Variants in RBMS3 observed in about 807,000 individuals in gnomAD.
RBMS3 encodes the protein RNA-binding motif, single-stranded-interacting protein 3.
A neutral mutation model predicts 66.8 loss-of-function variants in RBMS3; 27 were observed. That is an observed-to-expected ratio of 0.40 (90% CI 0.30 to 0.56). The LOEUF is 0.56. Among genes scored for constraint, RBMS3 ranks in the 20% least tolerant of loss-of-function variants. RBMS3 has a pLI of 0.40. For synonymous variants in RBMS3, 188 were observed against 183.0 expected, an observed-to-expected ratio of 1.03 and a Z score of -0.22; for missense variants, 513 against 549.5, an observed-to-expected ratio of 0.93 and a Z score of 0.66.
intron 1 of RBMS3, among the ~76,000 whole-genome samples, chr3:29,344,208 T>C (rs116831528): frequency 3.9e-4 from 60 of 152,284 alleles, no homozygotes; most frequent in African/African-American, 1.4e-3. Context: ...CTCATATTTG[T>C]AAGGAAAGCC....
At chr3:29,874,929 A>G (rs1474619874) in intron 7 of RBMS3, among the ~76,000 whole-genome samples, 4 of 152,192 alleles carry the variant, frequency 2.6e-5, no homozygotes, top group African/African-American at 9.6e-5. Context: ...GATGAGCTTC[A>G]GTCCTCTGCC....
intron 6 of RBMS3, among the ~76,000 whole-genome samples, chr3:29,827,185 AC>A (rs2149482743): frequency 6.6e-6 from 1 of 152,184 alleles, no homozygotes; most frequent in Admixed American, 6.5e-5. Context: ...TTGCTAAAGA[AC>A]CCTCCATACA....
chr3:29,317,115 G>C (rs976553584), intron 1 of RBMS3, among the ~76,000 whole-genome samples: 1 of 151,656 alleles, frequency 6.6e-6, no homozygotes, highest in Middle Eastern at 3.2e-3. Context: ...ATTTGAAAAA[G>C]CCTTAAGTCA....
At chr3:29,684,664 T>A (rs1483192420) in intron 4 of RBMS3, among the ~76,000 whole-genome samples, 1 of 152,180 alleles carries the variant, frequency 6.6e-6, no homozygotes, top group Non-Finnish European at 1.5e-5. Flanking sequence ...ACTTTTCACA[T>A]ATGATTGATC....
At chr3:29,519,358 G>A (rs144502228) in intron 3 of RBMS3, among the ~76,000 whole-genome samples, 2 of 152,320 alleles carry the variant, frequency 1.3e-5, no homozygotes, top group Non-Finnish European at 2.9e-5. Context: ...TCCGTTGGGT[G>A]ATGGAAGGGA....
chr3:29,613,120 AT>A (rs139413262), intron 4 of RBMS3, among the ~76,000 whole-genome samples: 2 of 152,018 alleles, frequency 1.3e-5, no homozygotes, highest in East Asian at 3.9e-4. Context: ...ATACTTAATA[AT>A]TTTTTTAATG....
chr3:29,345,472 C>T (rs2036521547), intron 1 of RBMS3, among the ~76,000 whole-genome samples: 1 of 152,126 alleles, frequency 6.6e-6, no homozygotes, highest in South Asian at 2.1e-4. Context: ...GTTTCTTCCT[C>T]TCAGCTATAC....
intron 3 of RBMS3, among the ~76,000 whole-genome samples, chr3:29,558,302 T>A (rs1011227913): frequency 6.6e-6 from 1 of 151,570 alleles, no homozygotes; most frequent in Non-Finnish European, 1.5e-5. Context: ...AAAGATGCAA[T>A]TGAAGAAAAC....
chr3:29,408,197 G>A (rs566612321), intron 1 of RBMS3, among the ~76,000 whole-genome samples: 12 of 150,274 alleles, frequency 8.0e-5, no homozygotes, highest in South Asian at 2.1e-4. Context: ...GTGTGAACCC[G>A]GGAGGCGGAG....
intron 7 of RBMS3, among the ~76,000 whole-genome samples, chr3:29,875,895 G>C (rs528652906): frequency 6.6e-6 from 1 of 151,986 alleles, no homozygotes; most frequent in African/African-American, 2.4e-5. Flanking sequence ...GAAAAATTCT[G>C]CCTGATAGCA....
At chr3:29,919,749 C>T (rs141572202) in intron 10 of RBMS3, among the ~76,000 whole-genome samples, 95 of 152,322 alleles carry the variant, frequency 6.2e-4, no homozygotes, top group African/African-American at 2.1e-3. Flanking sequence ...TTCCATTTCC[C>T]TGTAAAATTA....
At chr3:29,721,031 T>C (rs915885511) in intron 4 of RBMS3, among the ~76,000 whole-genome samples, 1 of 152,184 alleles carries the variant, frequency 6.6e-6, no homozygotes, top group Non-Finnish European at 1.5e-5. Flanking sequence ...ATACAGCCTA[T>C]GAATTTCAAA....
intron 6 of RBMS3, among the ~76,000 whole-genome samples, chr3:29,777,844 T>G (rs551172719): frequency 6.6e-6 from 1 of 152,036 alleles, no homozygotes; most frequent in East Asian, 1.9e-4. Context: ...ACAGTTTTTG[T>G]CTTCTCAGAG....
At chr3:29,781,842 G>A (rs2056641751) in intron 6 of RBMS3, among the ~76,000 whole-genome samples, 1 of 152,102 alleles carries the variant, frequency 6.6e-6, no homozygotes. Flanking sequence ...TGTGGGAGAG[G>A]GTTGAGGCCT....
chr3:29,471,575 AT>A (rs1458960873), intron 2 of RBMS3, among the ~76,000 whole-genome samples: 1 of 152,170 alleles, frequency 6.6e-6, no homozygotes, highest in African/African-American at 2.4e-5. Flanking sequence ...ATTGGGAAAA[AT>A]CGTGTAGCCT....
At chr3:29,938,576 T>A (rs2061321465) in intron 11 of RBMS3, among the ~76,000 whole-genome samples, 1 of 152,002 alleles carries the variant, frequency 6.6e-6, no homozygotes, top group African/African-American at 2.4e-5. Context: ...ATTGTTATAT[T>A]GTTTTCTTAG....
chr3:29,378,495 A>G (rs1403381359), intron 1 of RBMS3, among the ~76,000 whole-genome samples: 1 of 133,032 alleles, frequency 7.5e-6, no homozygotes, highest in Admixed American at 8.1e-5. Flanking sequence ...ATTAAAAAAA[A>G]AAACAAAAAA....
At chr3:29,808,823 A>G (rs1018635297) in intron 6 of RBMS3, among the ~76,000 whole-genome samples, 7 of 151,960 alleles carry the variant, frequency 4.6e-5, no homozygotes, top group African/African-American at 1.7e-4. Flanking sequence ...GGATCTGTCC[A>G]TTGGATACCA....
intron 4 of RBMS3, among the ~76,000 whole-genome samples, chr3:29,687,470 A>G (rs1046957487): frequency 7.9e-5 from 12 of 152,332 alleles, no homozygotes; most frequent in African/African-American, 4.8e-5. Context: ...TTTTCCTTCA[A>G]CATGAAGACA....
Sources: allele counts gnomAD v4.1 joint callset (sites outside exome capture counted in the v4.1 genomes callset), GRCh38; gene constraint gnomAD v4.1.1; transcripts MANE v1.5; gene names NCBI Gene and HGNC (gene_info 2026-07-23, HGNC 2026-07-21).